Variants in PLCL1 observed in about 807,000 individuals in gnomAD.
PLCL1 encodes the protein inactive phospholipase C-like protein 1.
PLCL1 carries 41 observed loss-of-function variants against 84.4 expected under a neutral mutation model. The observed-to-expected ratio is 0.49, with a 90% confidence interval of 0.38 to 0.63. The LOEUF is 0.63. Among genes scored for constraint, PLCL1 ranks in the 30% least tolerant of loss-of-function variants. PLCL1 has a pLI of 0.00. For missense variants in PLCL1, 1,206 were observed against 1,367.8 expected, an observed-to-expected ratio of 0.88 and a Z score of 1.87; for synonymous variants, 490 against 488.3, an observed-to-expected ratio of 1.00 and a Z score of -0.05.
chr2:197,864,390 A>T (rs1441308301), intron 1 of PLCL1, among the ~76,000 whole-genome samples: 1 of 146,912 alleles, frequency 6.8e-6, no homozygotes, highest in African/African-American at 2.5e-5. Flanking sequence ...TTTATTTTTT[A>T]AGGGGTGAAC....
chr2:197,975,549 A>G (rs1348533131), intron 1 of PLCL1, among the ~76,000 whole-genome samples: 1 of 152,156 alleles, frequency 6.6e-6, no homozygotes, highest in Non-Finnish European at 1.5e-5. Context: ...CACCCCTGCA[A>G]TCCCAGTACT....
intron 1 of PLCL1, among the ~76,000 whole-genome samples, chr2:197,947,628 G>A (rs781600717): frequency 6.6e-6 from 1 of 152,140 alleles, no homozygotes; most frequent in Non-Finnish European, 1.5e-5. Flanking sequence ...AAGCAAAAAG[G>A]CTCTGAGGCT....
intron 1 of PLCL1, among the ~76,000 whole-genome samples, chr2:198,062,453 G>C (rs1379099118): frequency 1.3e-5 from 2 of 152,102 alleles, no homozygotes; most frequent in Admixed American, 1.3e-4. Flanking sequence ...CTCTAGAACT[G>C]CTTATGTAAA....
At chr2:197,925,577 G>A (rs1298980444) in intron 1 of PLCL1, among the ~76,000 whole-genome samples, 1 of 152,196 alleles carries the variant, frequency 6.6e-6, no homozygotes, top group Non-Finnish European at 1.5e-5. Context: ...TCCTAGCCAA[G>A]GAGAAAGCCT....
At chr2:197,806,893 T>A (rs1690497868) in intron 1 of PLCL1, among the ~76,000 whole-genome samples, 1 of 152,240 alleles carries the variant, frequency 6.6e-6, no homozygotes, top group Admixed American at 6.5e-5. Context: ...ATACAAATTC[T>A]TGCAACTGAG....
chr2:198,136,944 C>A (rs1574338777), intron 5 of PLCL1, among the ~76,000 whole-genome samples: 1 of 152,068 alleles, frequency 6.6e-6, no homozygotes, highest in African/African-American at 2.4e-5. Flanking sequence ...AAACCCTGTA[C>A]CCACACTGAA....
chr2:197,926,226 G>T (rs1688827013), intron 1 of PLCL1, among the ~76,000 whole-genome samples: 1 of 152,084 alleles, frequency 6.6e-6, no homozygotes, highest in Non-Finnish European at 1.5e-5. Context: ...CTGTGGGAGA[G>T]GTCAGAGTTA....
chr2:198,038,550 G>A (rs1341471681), intron 1 of PLCL1, among the ~76,000 whole-genome samples: 2 of 152,006 alleles, frequency 1.3e-5, no homozygotes, highest in Admixed American at 6.6e-5. Context: ...TTCTATCTAT[G>A]TTCTCTTAGG....
rs746670006 is a variant in PLCL1, at chr2:198,148,855, T to C, written c.*1893T>C. 2 of 152,322 alleles carry C rather than the reference T, an allele frequency of 1.3e-5. No homozygotes were observed. The highest frequency in any genetic ancestry group is 2.9e-5 in the Non-Finnish European group (2 of 68,032). The allele number at this position is 152,322 out of a possible 1,614,324, so 9.4% of individuals were successfully genotyped here. The stretch of plus-strand genomic sequence containing the variant: ...TAAAGGATGACAAACTCTCAAACAA[T>C]ATTTATACATTTATTTACTCCAGGG... On this transcript the variant is annotated 3_prime_UTR_variant, in exon 6 of 6. Coordinates refer to ENST00000428675, the MANE Select transcript of PLCL1 (RefSeq NM_006226.4).
intron 5 of PLCL1, among the ~76,000 whole-genome samples, chr2:198,137,633 TG>T (rs1694286121): frequency 6.6e-6 from 1 of 152,180 alleles, no homozygotes; most frequent in African/African-American, 2.4e-5. Context: ...TGTGTTTCAC[TG>T]ATCATAAGAT....
At chr2:198,146,693 T>C (rs1314471599) in intron 5 of PLCL1, 87 bp from the exon 6 acceptor site, 10 of 1,068,440 alleles carry the variant, frequency 9.4e-6, no homozygotes, top group Non-Finnish European at 1.2e-5. Flanking sequence ...TATTCAGCAA[T>C]GGGCAGTAAG....
intron 1 of PLCL1, among the ~76,000 whole-genome samples, chr2:197,998,732 G>T (rs1484815159): frequency 6.6e-6 from 1 of 152,164 alleles, no homozygotes; most frequent in Non-Finnish European, 1.5e-5. Flanking sequence ...ACTCTCCACA[G>T]TTAGCATGTG....
chr2:197,897,393 T>G lies in PLCL1; in HGVS notation c.240+92054T>G, dbSNP rs142034898. The stretch of plus-strand genomic sequence containing the variant: ...AGACAATGGAGGCAATATAGAGTGT[T>G]TGTGGTTCATAGTGTGGCTTCTGAG... On this transcript the variant is annotated intron_variant, in intron 1 of 5. Coordinates refer to ENST00000428675, the MANE Select transcript of PLCL1 (RefSeq NM_006226.4). Among the ~76,000 whole-genome samples the G allele has an allele frequency of 6.4e-3, 975 of 152,174 alleles. 10 individuals carry two copies. The highest frequency in any genetic ancestry group is 0.023 in the African/African-American group (934 of 41,492).
intron 1 of PLCL1, among the ~76,000 whole-genome samples, chr2:198,047,812 T>C (rs910464118): frequency 1.3e-5 from 2 of 152,206 alleles, no homozygotes; most frequent in Non-Finnish European, 2.9e-5. Flanking sequence ...TCTTGCATAA[T>C]AATAAAGCAG....
chr2:197,882,600 T>A (rs1198325017), intron 1 of PLCL1, among the ~76,000 whole-genome samples: 1 of 152,182 alleles, frequency 6.6e-6, no homozygotes, highest in Non-Finnish European at 1.5e-5. Context: ...AGCCAAAGTA[T>A]GCATACTTAC....
intron 1 of PLCL1, among the ~76,000 whole-genome samples, chr2:197,953,249 G>A (rs1005341674): frequency 3.3e-5 from 5 of 151,980 alleles, no homozygotes; most frequent in African/African-American, 9.7e-5. Context: ...TTGGTTTTCC[G>A]TACCATTCTA....
intron 1 of PLCL1, among the ~76,000 whole-genome samples, chr2:197,921,624 C>T (rs2105755148): frequency 6.6e-6 from 1 of 152,258 alleles, no homozygotes; most frequent in East Asian, 1.9e-4. Flanking sequence ...ACTTACCCAC[C>T]AAAATCTCTA....
chr2:198,032,813 CT>C (rs1256944201), intron 1 of PLCL1, among the ~76,000 whole-genome samples: 3 of 152,066 alleles, frequency 2.0e-5, no homozygotes, highest in Non-Finnish European at 2.9e-5. Flanking sequence ...TACTTGTTAT[CT>C]TAATTATTAT....
intron 1 of PLCL1, among the ~76,000 whole-genome samples, chr2:198,064,560 T>C (rs979748907): frequency 6.6e-6 from 1 of 152,156 alleles, no homozygotes; most frequent in African/African-American, 2.4e-5. Flanking sequence ...TCTATATAAT[T>C]TAATAATTTT....
Sources: gnomAD v4.1 joint callset for allele counts (sites outside exome capture counted in the v4.1 genomes callset) on GRCh38, gnomAD v4.1.1 for gene constraint, MANE v1.5 for transcripts, NCBI Gene and HGNC (gene_info 2026-07-23, HGNC 2026-07-21) for gene names.